Variants in HIVEP1 observed in about 807,000 individuals in gnomAD.
HIVEP1 encodes HIVEP zinc finger 1, also known as zinc finger protein 40.
HIVEP1 carries 36 observed loss-of-function variants against 180.0 expected under a neutral mutation model. That is an observed-to-expected ratio of 0.20 (90% CI 0.15 to 0.26). HIVEP1 has a LOEUF of 0.26. Among genes scored for constraint, HIVEP1 ranks in the 10% least tolerant of loss-of-function variants. HIVEP1 has a pLI of 1.00. For synonymous variants in HIVEP1, 1,239 were observed against 1,239.0 expected (o/e 1.00, Z 0.00); for missense variants, 3,143 against 3,268.7 (o/e 0.96, Z 0.94).
Position 12,124,649 on chromosome 6 carries a change from A to G in HIVEP1, c.4854A>G (p.Pro1618=). 1.2e-6 allele frequency: 2 copies of G among 1,614,174 alleles called. No homozygotes were observed. The highest frequency in any genetic ancestry group is 1.7e-6 in the Non-Finnish European group (2 of 1,179,994). Residue 1618 remains proline, a synonymous_variant, in exon 4 of 9, where the codon CCA becomes CCG. Transcript: ENST00000379388. ...CTAATTCGCATCCTCTGCTACCACC[A>G]GAGCTCAGGCCCCTTGGAAGTCAGG... ...SMSNSHPLLP[P]ELRPLGSQVQ... is the part of the protein sequence containing the mutation.
At chr6:12,065,072 G>A (rs938533887) in intron 2 of HIVEP1, among the ~76,000 whole-genome samples, 1 of 152,188 alleles carries the variant, frequency 6.6e-6, no homozygotes, top group African/African-American at 2.4e-5. Context: ...CTAAATCATG[G>A]TGGACAAATT....
At chr6:12,178,398 G>A in the HIVEP1 span, among the ~76,000 whole-genome samples, 2 of 152,080 alleles carry the variant, frequency 1.3e-5, no homozygotes, top group Admixed American at 1.3e-4. Flanking sequence ...AGACCAGCCT[G>A]GGCAACATGG....
At chr6:12,185,284 C>G in the HIVEP1 span, among the ~76,000 whole-genome samples, 1 of 152,204 alleles carries the variant, frequency 6.6e-6, no homozygotes, top group South Asian at 2.1e-4. Context: ...GTGGAGGGAA[C>G]AGTAGAGTTC....
chr6:12,115,565 C>G (rs1775163268), intron 3 of HIVEP1, among the ~76,000 whole-genome samples: 1 of 151,808 alleles, frequency 6.6e-6, no homozygotes, highest in Non-Finnish European at 1.5e-5. Context: ...GTGTTGATAC[C>G]TCAGAGTTTC....
intron 7 of HIVEP1, among the ~76,000 whole-genome samples, chr6:12,152,927 A>G (rs1033310645): frequency 6.6e-6 from 1 of 152,218 alleles, no homozygotes; most frequent in Non-Finnish European, 1.5e-5. Context: ...TTACACTTCA[A>G]ATAGTTTTTA....
At position 12,124,760 on chromosome 6, in the gene HIVEP1, G is replaced by C. The variant is rs1399901371; in HGVS notation, c.4965G>C (p.Leu1655=). The C allele has an allele frequency of 6.2e-7, 1 of 1,613,998 alleles. No individual in the cohort carries two copies. The highest frequency in any genetic ancestry group is 8.5e-7 in the Non-Finnish European group (1 of 1,180,030). Residue 1655 remains leucine (L), a synonymous_variant, in exon 4 of 9, where the codon CTG becomes CTC. Coordinates refer to ENST00000379388, the MANE Select transcript of HIVEP1 (RefSeq NM_002114.4). ...ACTGTTTTGCTACACTCACATCCCT[G>C]CCACAAATACTAGTGACCCAAGATC... ...PAYCFATLTS[L]PQILVTQDLP...
At position 12,125,504 on chromosome 6, in the gene HIVEP1, A is replaced by G. The variant is rs763824612; in HGVS notation, c.5709A>G (p.Gln1903=). ...QERKSPGVKN[Q]GDKVNIQEQS... The stretch of plus-strand genomic sequence containing the variant: ...GGAAGTCTCCAGGGGTTAAAAATCA[A>G]GGTGACAAAGTGAACATCCAAGAGC... The change falls in exon 4 of 9, where the codon CAA becomes CAG. Residue 1903 remains glutamine, a synonymous_variant. Transcript: ENST00000379388. 3 of 1,614,174 alleles carry G rather than the reference A, an allele frequency of 1.9e-6. No individual in the cohort carries two copies. The highest frequency in any genetic ancestry group is 1.7e-6 in the Non-Finnish European group (2 of 1,179,988).
rs1161694682 is a variant in HIVEP1 at position 12,124,896 on chromosome 6, G to A, written c.5101G>A (p.Glu1701Lys). 6.8e-6 allele frequency: 11 copies of A among 1,613,978 alleles called. No homozygotes were observed. Among genetic ancestry groups the A allele is most frequent in the African/African-American group, 1.3e-5 (1 of 74,914 alleles). ...TCATCAGAATGCTTTGCCAAACCCA[G>A]AGAAGGAATTTCTATGTGAAAATGT... Reference protein sequence around the residue: ...KGHQNALPNPEKEFLCENVFS... With the variant: ...KGHQNALPNPKKEFLCENVFS... The change falls in exon 4 of 9, where the codon GAG (glutamate) becomes AAG (lysine). Residue 1701 changes from glutamate (E) to lysine (K), a missense_variant. Glu to Lys is a moderately conservative substitution (Grantham distance 56). Coordinates refer to ENST00000379388, the MANE Select transcript of HIVEP1 (RefSeq NM_002114.4).
intron 2 of HIVEP1, among the ~76,000 whole-genome samples, chr6:12,066,082 G>C (rs1413597341): frequency 1.3e-5 from 2 of 152,134 alleles, no homozygotes; most frequent in African/African-American, 4.8e-5. Flanking sequence ...GTGGGGGAAG[G>C]CAAGCTGTGT....
intron 2 of HIVEP1, among the ~76,000 whole-genome samples, chr6:12,071,464 C>T (rs1002593790): frequency 6.6e-6 from 1 of 152,192 alleles, no homozygotes; most frequent in East Asian, 1.9e-4. Context: ...TCTTCCTTTT[C>T]CTATTTATAC....
At chr6:12,210,942 C>T in the HIVEP1 span, among the ~76,000 whole-genome samples, 24 of 151,718 alleles carry the variant, frequency 1.6e-4, no homozygotes, top group African/African-American at 5.3e-4. Flanking sequence ...TCATAATGCC[C>T]GATAAATGAA....
At chr6:12,153,938 A>G (rs1399766233) in intron 7 of HIVEP1, among the ~76,000 whole-genome samples, 1 of 152,220 alleles carries the variant, frequency 6.6e-6, no homozygotes, top group Non-Finnish European at 1.5e-5. Context: ...ACTTGAGGTC[A>G]GGTGTTCAAG....
rs561784245 is a variant in HIVEP1 at position 12,052,693 on chromosome 6, A to G, written c.41-36491A>G. On this transcript the variant is annotated intron_variant, in intron 2 of 8. Transcript: ENST00000379388. ...GTATCATGTACCTAGTAAATGGCCA[A>G]ACTAGGAATTGAGCCTCAGTTTTGT... Among the ~76,000 whole-genome samples, 148 of 152,322 alleles carry G rather than the reference A, an allele frequency of 9.7e-4. 1 individual carries two copies. Among genetic ancestry groups the G allele is most frequent in the Non-Finnish European group, 3.4e-4 (23 of 68,020 alleles).
At chr6:12,162,601 A>G (rs1418084634) in intron 8 of HIVEP1, among the ~76,000 whole-genome samples, 1 of 152,196 alleles carries the variant, frequency 6.6e-6, no homozygotes, top group African/African-American at 2.4e-5. Context: ...GGAGGAATAC[A>G]TTCTTCCCTC....
chr6:12,026,021 CAA>C (rs1190662731), intron 2 of HIVEP1, among the ~76,000 whole-genome samples: 4 of 146,010 alleles, frequency 2.7e-5, no homozygotes, highest in Non-Finnish European at 4.5e-5. Flanking sequence ...GCCTGGGCAA[CAA>C]GAGTGAAACC....
At chr6:12,072,633 T>A (rs971073714) in intron 2 of HIVEP1, among the ~76,000 whole-genome samples, 1 of 152,168 alleles carries the variant, frequency 6.6e-6, no homozygotes, top group Admixed American at 6.5e-5. Flanking sequence ...GATTCCACAG[T>A]TTGTTCATTT....
intron 7 of HIVEP1, among the ~76,000 whole-genome samples, chr6:12,146,218 G>A (rs1380350237): frequency 2.0e-5 from 3 of 152,138 alleles, no homozygotes; most frequent in Admixed American, 6.5e-5. Flanking sequence ...CAAAGCAGGC[G>A]GATCATCTGA....
intron 2 of HIVEP1, chr6:12,037,831 G>A (rs750086326): frequency 7.2e-5 from 30 of 418,238 alleles, no homozygotes; most frequent in Middle Eastern, 3.0e-4. Context: ...CTGCTTTAGC[G>A]TCCCGAATAG....
the HIVEP1 span, among the ~76,000 whole-genome samples, chr6:12,201,146 T>A: frequency 5.3e-5 from 8 of 152,368 alleles, no homozygotes; most frequent in Admixed American, 2.0e-4. Context: ...TTCAAACACA[T>A]GCTTTTCTTT....
Sources: gnomAD v4.1 joint callset for allele counts (sites outside exome capture counted in the v4.1 genomes callset) on GRCh38, gnomAD v4.1.1 for gene constraint, MANE v1.5 for transcripts, NCBI Gene and HGNC (gene_info 2026-07-23, HGNC 2026-07-21) for gene names.